The following METTL15 variants were observed in gnomAD, a reference collection of about 807,000 sequenced individuals.
METTL15 encodes the protein methyltransferase 15, mitochondrial 12S rRNA N4-cytidine, also known as 12S rRNA N(4)-cytidine methyltransferase METTL15.
METTL15 carries 34 observed loss-of-function variants against 38.3 expected under a neutral mutation model. The observed-to-expected ratio is 0.89, with a 90% CI of 0.68 to 1.18. METTL15 has a LOEUF of 1.18. Ranked by LOEUF, METTL15 falls within the 50% of genes most tolerant of loss-of-function variation. The probability of loss-of-function intolerance (pLI) is 0.00; values close to 1 mark genes in which losing one functional copy is unlikely to be tolerated. For synonymous variants in METTL15, 162 were observed against 170.9 expected, an observed-to-expected ratio of 0.95 and a Z score of 0.41; for missense variants, 438 against 498.4, an observed-to-expected ratio of 0.88 and a Z score of 1.15.
intron 4 of METTL15, among the ~76,000 whole-genome samples, chr11:28,238,489 A>AT (rs1854129781): frequency 6.6e-6 from 1 of 152,016 alleles, no homozygotes; most frequent in Non-Finnish European, 1.5e-5. Context: ...GAATGCCCCG[A>AT]TTTTCCAGGT....
intron 6 of METTL15, among the ~76,000 whole-genome samples, chr11:28,484,350 A>G (rs192453958): frequency 1.3e-5 from 2 of 152,028 alleles, no homozygotes; most frequent in African/African-American, 4.8e-5. Context: ...TTCAGAGCCA[A>G]CTCTCCTAAC....
chr11:28,252,876 A>G (rs894461518), intron 4 of METTL15, among the ~76,000 whole-genome samples: 2 of 152,078 alleles, frequency 1.3e-5, no homozygotes, highest in African/African-American at 4.8e-5. Flanking sequence ...TTGAGTTTTC[A>G]TCCTCACTAC....
rs191266652 is a variant in METTL15 at position 28,295,920 on chromosome 11, A to T, written c.600-833A>T. Among the ~76,000 whole-genome samples the T allele has an allele frequency of 6.4e-3, 975 of 152,228 alleles. 3 individuals are homozygous for T. The highest frequency in any genetic ancestry group is 0.01 in the Non-Finnish European group (695 of 67,988). ...TAAGAGCAGTAACTGCACCATTAGCAAAGCTATTTTTCTAATACGTAAAGT... is the reference window on the plus strand; with the variant it reads ...TAAGAGCAGTAACTGCACCATTAGCTAAGCTATTTTTCTAATACGTAAAGT... On this transcript the variant is annotated intron_variant, in intron 5 of 6. Transcript: ENST00000407364.
intron 3 of METTL15, among the ~76,000 whole-genome samples, chr11:28,163,156 A>G (rs186346665): frequency 8.1e-4 from 123 of 151,908 alleles, no homozygotes; most frequent in Non-Finnish European, 1.6e-3. Context: ...TGAAAAGTGA[A>G]AAAAGTGTGA....
At chr11:28,506,891 T>C (rs7944587) in intron 6 of METTL15, among the ~76,000 whole-genome samples, 67,823 of 151,110 alleles carry the variant, frequency 0.45, 15,712 homozygotes, top group Admixed American at 0.54. Context: ...ACTACAGGCA[T>C]GTGCCACCAT....
intron 4 of METTL15, among the ~76,000 whole-genome samples, chr11:28,219,278 T>G (rs182792452): frequency 3.4e-4 from 52 of 152,330 alleles, no homozygotes; most frequent in African/African-American, 1.2e-3. Flanking sequence ...TCTTCCTGGT[T>G]TAGTCTTGGG....
chr11:28,216,562 A>G (rs910307313), intron 4 of METTL15, among the ~76,000 whole-genome samples: 13 of 151,774 alleles, frequency 8.6e-5, no homozygotes, highest in Non-Finnish European at 2.9e-5. Context: ...GTAGTGAGAA[A>G]CTTCTTTTTT....
chr11:28,479,267 G>T (rs551023567), intron 6 of METTL15, among the ~76,000 whole-genome samples: 1 of 152,082 alleles, frequency 6.6e-6, no homozygotes, highest in Non-Finnish European at 1.5e-5. Flanking sequence ...GAATAAGAAA[G>T]ATAGAAGCCC....
At chr11:28,403,796 T>C (rs962319021) in intron 5 of METTL15, among the ~76,000 whole-genome samples, 2 of 152,154 alleles carry the variant, frequency 1.3e-5, no homozygotes, top group African/African-American at 4.8e-5. Context: ...AAGCTGTTTT[T>C]ATAACATATC....
intron 4 of METTL15, among the ~76,000 whole-genome samples, chr11:28,355,225 C>T (rs1306737525): frequency 6.6e-6 from 1 of 152,196 alleles, no homozygotes; most frequent in African/African-American, 2.4e-5. Context: ...AATCATATAA[C>T]CGTATCCCTA....
chr11:28,498,497 A>G (rs755421707), intron 6 of METTL15, among the ~76,000 whole-genome samples: 1 of 152,200 alleles, frequency 6.6e-6, no homozygotes, highest in Non-Finnish European at 1.5e-5. Context: ...GAGAAGCTCA[A>G]TAGCATTTTC....
chr11:28,290,936 A>G lies in METTL15; in HGVS notation c.599+539A>G, dbSNP rs575458402. 1.1e-4 allele frequency among the ~76,000 whole-genome samples: 16 copies of G among 152,142 alleles called. No individual in the cohort carries two copies. In the East Asian group the frequency reaches 1.5e-3, roughly 15 times the overall value. ...ATATCAAACACAGTACTATAATAAG[A>G]TATCTTTTACACCTCCTCTTCCTGG... is the stretch of plus-strand genomic sequence containing the variant. On this transcript the variant is annotated intron_variant, in intron 5 of 6. Coordinates refer to ENST00000407364, the MANE Select transcript of METTL15 (RefSeq NM_001113528.2).
intron 6 of METTL15, among the ~76,000 whole-genome samples, chr11:28,478,913 A>G (rs1197644431): frequency 8.2e-6 from 1 of 122,296 alleles, no homozygotes; most frequent in South Asian, 2.4e-4. Context: ...AGAAAACAAC[A>G]TGGCACCTGC....
chr11:28,337,831 G>A (rs771063681), downstream of METTL15, among the ~76,000 whole-genome samples: 5 of 152,162 alleles, frequency 3.3e-5, no homozygotes, highest in South Asian at 8.3e-4. Context: ...TGTGTAGAAG[G>A]CTATACTATC....
intron 5 of METTL15, among the ~76,000 whole-genome samples, chr11:28,394,332 T>C (rs1426092232): frequency 1.3e-5 from 2 of 152,108 alleles, no homozygotes; most frequent in African/African-American, 4.8e-5. Context: ...TAGAAAAGCT[T>C]TCATTCACAA....
intron 3 of METTL15, among the ~76,000 whole-genome samples, chr11:28,177,182 G>A (rs1358700394): frequency 6.6e-6 from 1 of 151,934 alleles, no homozygotes. Flanking sequence ...TTTGAAGTTT[G>A]AAAATACATA....
In METTL15 at chr11:28,338,537, C is replaced by T. The variant is rs151260919; in HGVS notation, c.*190-13553C>T. 5.1e-4 allele frequency among the ~76,000 whole-genome samples: 78 copies of T among 152,056 alleles called. 1 individual carries two copies. The East Asian group carries it at 7.7e-3, about 15-fold the overall frequency. On this transcript the variant is annotated intron_variant and NMD_transcript_variant, in intron 3 of 7. Coordinates refer to the METTL15 transcript ENST00000532947. Reference sequence around the variant, plus strand: ...TCACGGAATCATCTTCTCTCTATTCCGTAGCCATATGGTGACTCATGTGAA... The same window carrying T: ...TCACGGAATCATCTTCTCTCTATTCTGTAGCCATATGGTGACTCATGTGAA...
At chr11:28,250,853 T>G (rs1854710798) in intron 4 of METTL15, among the ~76,000 whole-genome samples, 1 of 152,058 alleles carries the variant, frequency 6.6e-6, no homozygotes, top group African/African-American at 2.4e-5. Context: ...ACTAATAAAA[T>G]ATATCAGGTC....
chr11:28,282,082 C>T (rs1590258309), intron 4 of METTL15, among the ~76,000 whole-genome samples: 1 of 152,292 alleles, frequency 6.6e-6, no homozygotes, highest in South Asian at 2.1e-4. Context: ...AAAGATAATG[C>T]TTTCAAAGTA....
Sources: allele counts gnomAD v4.1 joint callset (sites outside exome capture counted in the v4.1 genomes callset), GRCh38; gene constraint gnomAD v4.1.1; transcripts MANE v1.5; gene names NCBI Gene and HGNC (gene_info 2026-07-23, HGNC 2026-07-21).